DLGAP4: variants seen among roughly 807,000 people sequenced by gnomAD.
The protein encoded by DLGAP4 is disks large-associated protein 4.
Under a neutral mutation model 86.9 loss-of-function variants are expected in DLGAP4, and 18 were observed. The ratio of observed to expected loss-of-function variants is 0.21; its 90% CI spans 0.14 to 0.31. The LOEUF (loss-of-function observed/expected upper bound fraction) is 0.31. DLGAP4 is among the 10% of genes least tolerant of loss of function. DLGAP4 has a pLI of 1.00. For synonymous variants in DLGAP4, 548 were observed against 574.3 expected (o/e 0.95, Z 0.65); for missense variants, 1,085 against 1,362.6 (o/e 0.80, Z 3.21).
At chr20:36,445,287 C>T (rs1468652343) in intron 6 of DLGAP4, among the ~76,000 whole-genome samples, 2 of 152,058 alleles carry the variant, frequency 1.3e-5, no homozygotes, top group South Asian at 2.1e-4. Flanking sequence ...GGGCAGATCA[C>T]GAGGTCAGGA....
intron 2 of DLGAP4, among the ~76,000 whole-genome samples, chr20:36,371,731 T>C (rs1385969403): frequency 6.6e-6 from 1 of 152,048 alleles, no homozygotes; most frequent in African/African-American, 2.4e-5. Flanking sequence ...ATAAAGAACT[T>C]CATAGTGTGT....
intron 1 of DLGAP4, among the ~76,000 whole-genome samples, chr20:36,336,617 G>A (rs1434906845): frequency 2.0e-5 from 3 of 152,216 alleles, no homozygotes; most frequent in Non-Finnish European, 4.4e-5. Flanking sequence ...TTGTGGATGA[G>A]TGACTCTCCT....
intron 5 of DLGAP4, among the ~76,000 whole-genome samples, chr20:36,442,235 C>T (rs1000974683): frequency 6.6e-6 from 1 of 152,154 alleles, no homozygotes; most frequent in Admixed American, 6.5e-5. Flanking sequence ...GCTCTTGTTG[C>T]CCAGGCTGGA....
At chr20:36,441,309 C>T (rs921357505) in intron 5 of DLGAP4, among the ~76,000 whole-genome samples, 1 of 152,148 alleles carries the variant, frequency 6.6e-6, no homozygotes, top group Admixed American at 6.5e-5. Context: ...TGCTCCAGGC[C>T]CTCTGCATTT....
chr20:36,407,630 A>G (rs1193152668), intron 2 of DLGAP4, among the ~76,000 whole-genome samples: 1 of 152,088 alleles, frequency 6.6e-6, no homozygotes, highest in African/African-American at 2.4e-5. Flanking sequence ...AAGGGAGAAC[A>G]TTCCAGGCAG....
intron 6 of DLGAP4, among the ~76,000 whole-genome samples, chr20:36,444,918 G>A (rs2033550568): frequency 6.6e-6 from 1 of 151,924 alleles, no homozygotes; most frequent in African/African-American, 2.4e-5. Flanking sequence ...GGGATTACAG[G>A]CATGAGCCAC....
chr20:36,526,574 C>G (rs1290014874), intron 12 of DLGAP4, among the ~76,000 whole-genome samples: 4 of 152,058 alleles, frequency 2.6e-5, no homozygotes, highest in Admixed American at 6.5e-5. Flanking sequence ...GGGATCTGCC[C>G]GTCCCCGCTG....
chr20:36,402,348 A>AATT (rs1486165967), intron 2 of DLGAP4, among the ~76,000 whole-genome samples: 3 of 152,172 alleles, frequency 2.0e-5, no homozygotes, highest in Non-Finnish European at 4.4e-5. Context: ...GAAAAGGCAT[A>AATT]ATCTCACCTA....
intron 2 of DLGAP4, among the ~76,000 whole-genome samples, chr20:36,403,922 G>A (rs546397484): frequency 1.3e-5 from 2 of 152,314 alleles, no homozygotes; most frequent in African/African-American, 4.8e-5. Context: ...GAGTGCCTTT[G>A]TAACACAGTA....
At chr20:36,364,054 C>T (rs1258785275) in intron 1 of DLGAP4, among the ~76,000 whole-genome samples, 3 of 152,126 alleles carry the variant, frequency 2.0e-5, no homozygotes, top group African/African-American at 7.2e-5. Context: ...AGGATAACTG[C>T]CTATTGGGAA....
chr20:36,447,335 G>T (rs1261445294), intron 7 of DLGAP4, among the ~76,000 whole-genome samples: 1 of 152,188 alleles, frequency 6.6e-6, no homozygotes, highest in Non-Finnish European at 1.5e-5. Flanking sequence ...CTGCAGTGAG[G>T]GTGGGGTCTG....
chr20:36,499,051 G>A, intron 8 of DLGAP4: 1 of 590,350 alleles, frequency 1.7e-6, no homozygotes, highest in Non-Finnish European at 3.0e-6. Context: ...TGCCGTCCAG[G>A]GTTTGCCCTT....
intron 7 of DLGAP4, among the ~76,000 whole-genome samples, chr20:36,487,705 C>T (rs908587067): frequency 1.3e-5 from 2 of 152,170 alleles, no homozygotes; most frequent in African/African-American, 4.8e-5. Context: ...ACGCAGGCAA[C>T]CTTAGTGTCT....
At chr20:36,324,211 G>C (rs782673335) in intron 1 of DLGAP4, among the ~76,000 whole-genome samples, 7 of 152,116 alleles carry the variant, frequency 4.6e-5, no homozygotes, top group Non-Finnish European at 8.8e-5. Context: ...AGGATCATTT[G>C]AGGTCAGGAG....
intron 1 of DLGAP4, among the ~76,000 whole-genome samples, chr20:36,360,345 T>A (rs2030473828): frequency 6.6e-6 from 1 of 152,138 alleles, no homozygotes; most frequent in African/African-American, 2.4e-5. Context: ...CAGCCTCAGT[T>A]GCCCTTTCCA....
At chr20:36,387,692 G>A (rs941081085) in intron 2 of DLGAP4, among the ~76,000 whole-genome samples, 13 of 152,108 alleles carry the variant, frequency 8.5e-5, no homozygotes, top group African/African-American at 2.9e-4. Flanking sequence ...GTGTGAAATA[G>A]GGATCTGATT....
At chr20:36,416,949 C>T (rs754317210) in intron 2 of DLGAP4, among the ~76,000 whole-genome samples, 2 of 152,130 alleles carry the variant, frequency 1.3e-5, no homozygotes, top group Non-Finnish European at 2.9e-5. Flanking sequence ...GATTGTGCAC[C>T]TACTAGGTGC....
At chr20:36,358,620 C>G (rs1450841137) in intron 1 of DLGAP4, among the ~76,000 whole-genome samples, 1 of 152,150 alleles carries the variant, frequency 6.6e-6, no homozygotes, top group Non-Finnish European at 1.5e-5. Flanking sequence ...TCCTGGCTAA[C>G]ACGGTGAAAC....
chr20:36,488,819 G>A (rs561350126), intron 7 of DLGAP4, among the ~76,000 whole-genome samples: 3 of 152,210 alleles, frequency 2.0e-5, no homozygotes, highest in South Asian at 2.1e-4. Context: ...TGATCTGCCC[G>A]CCTCAGCCTC....
Sources: allele counts gnomAD v4.1 joint callset (sites outside exome capture counted in the v4.1 genomes callset), GRCh38; gene constraint gnomAD v4.1.1; transcripts MANE v1.5; gene names NCBI Gene and HGNC (gene_info 2026-07-23, HGNC 2026-07-21).